Variants in ATXN7L1 observed in about 807,000 individuals in gnomAD.
ATXN7L1 encodes ataxin 7 like 1.
A neutral mutation model predicts 70.8 loss-of-function variants in ATXN7L1; 15 were observed. That is an observed-to-expected ratio of 0.21 (90% confidence interval 0.14 to 0.33). The LOEUF (loss-of-function observed/expected upper bound fraction) is 0.33. Ranked by LOEUF, ATXN7L1 falls within the 10% of genes least tolerant of loss-of-function variation. The pLI, the probability that ATXN7L1 is intolerant of heterozygous loss-of-function variation, is 1.00. For synonymous variants in ATXN7L1, 440 were observed against 445.1 expected, an observed-to-expected ratio of 0.99 and a Z score of 0.14; for missense variants, 975 against 1,097.1, an observed-to-expected ratio of 0.89 and a Z score of 1.57.
At chr7:105,770,898 TC>T (rs1452740727) in intron 3 of ATXN7L1, among the ~76,000 whole-genome samples, 1 of 151,954 alleles carries the variant, frequency 6.6e-6, no homozygotes, top group Non-Finnish European at 1.5e-5. Context: ...TCACCAAGGA[TC>T]ATGTTAAAAA....
rs980889290 is a variant in ATXN7L1 at position 105,605,988 on chromosome 7, T to C, written c.*1864A>G. 1 of 152,108 alleles carries C rather than the reference T, an allele frequency of 6.6e-6. No homozygotes were observed. The highest frequency in any genetic ancestry group is 1.5e-5 in the Non-Finnish European group (1 of 68,024). 9.4% of individuals were successfully genotyped at this position (152,108 alleles called of 1,614,324 possible). A position where few individuals can be genotyped will look rare whatever the true frequency, so the allele number is the denominator to read the frequency against. On this transcript the variant is annotated 3_prime_UTR_variant, in exon 12 of 12. Coordinates refer to ENST00000419735, the MANE Select transcript of ATXN7L1 (RefSeq NM_020725.2). ...TTAAGAATATCTTCTAAACTTTTTTTCAAAGGGTCTAACCTTGTTTATAAT... is the reference window on the plus strand; with the variant it reads ...TTAAGAATATCTTCTAAACTTTTTTCCAAAGGGTCTAACCTTGTTTATAAT...
intron 3 of ATXN7L1, among the ~76,000 whole-genome samples, chr7:105,670,205 T>C (rs1196799777): frequency 2.0e-5 from 3 of 152,218 alleles, no homozygotes; most frequent in Admixed American, 6.5e-5. Flanking sequence ...GACGCTGCTG[T>C]GCAGGTGAGG....
chr7:105,729,862 C>G (rs1007724534), intron 3 of ATXN7L1, among the ~76,000 whole-genome samples: 4 of 151,980 alleles, frequency 2.6e-5, no homozygotes, highest in African/African-American at 9.7e-5. Flanking sequence ...CTCAGCCTCC[C>G]GAGTAGCTGG....
At chr7:105,718,957 A>G (rs1380610702) in intron 3 of ATXN7L1, among the ~76,000 whole-genome samples, 2 of 152,164 alleles carry the variant, frequency 1.3e-5, no homozygotes, top group Non-Finnish European at 2.9e-5. Context: ...CATCACAAAC[A>G]GGTGATGAAC....
chr7:105,610,194 T>G (rs529716923), intron 11 of ATXN7L1, among the ~76,000 whole-genome samples: 2 of 152,228 alleles, frequency 1.3e-5, no homozygotes, highest in African/African-American at 4.8e-5. Context: ...CGTACGCTCA[T>G]ACAGCTGGTA....
chr7:105,835,360 G>T (rs913625167), intron 2 of ATXN7L1, among the ~76,000 whole-genome samples: 4 of 151,508 alleles, frequency 2.6e-5, no homozygotes, highest in African/African-American at 9.7e-5. Flanking sequence ...TAGCCATGTT[G>T]CCCAGGCTGG....
At chr7:105,751,531 G>A (rs975408168) in intron 3 of ATXN7L1, among the ~76,000 whole-genome samples, 1 of 152,138 alleles carries the variant, frequency 6.6e-6, no homozygotes, top group Non-Finnish European at 1.5e-5. Flanking sequence ...AGCTCCTTGG[G>A]AGACTGAGGT....
chr7:105,693,533 C>T (rs1054776814), intron 3 of ATXN7L1, among the ~76,000 whole-genome samples: 4 of 126,530 alleles, frequency 3.2e-5, no homozygotes, highest in African/African-American at 1.2e-4. Flanking sequence ...AAATCTAATG[C>T]CCCATCCATC....
intron 7 of ATXN7L1, among the ~76,000 whole-genome samples, chr7:105,630,713 T>C (rs1472432896): frequency 1.9e-5 from 2 of 106,310 alleles, no homozygotes; most frequent in African/African-American, 3.5e-5. Context: ...TGAGACCCTG[T>C]CTCAAAAAAT....
intron 4 of ATXN7L1, among the ~76,000 whole-genome samples, chr7:105,660,678 G>T (rs1232061418): frequency 6.6e-6 from 1 of 150,450 alleles, no homozygotes; most frequent in Non-Finnish European, 1.5e-5. Context: ...CGCCTCCAGG[G>T]TTCAAGCGAT....
At chr7:105,819,360 A>C in intron 2 of ATXN7L1, 1 of 454,634 alleles carries the variant, frequency 2.2e-6, no homozygotes, top group Non-Finnish European at 4.0e-6. Context: ...TGGCTATTAA[A>C]AAAAAATCTG....
chr7:105,827,672 C>T (rs1811067715), intron 2 of ATXN7L1, among the ~76,000 whole-genome samples: 1 of 152,132 alleles, frequency 6.6e-6, no homozygotes, highest in Non-Finnish European at 1.5e-5. Context: ...GTCCTGGAAG[C>T]AATTCTCCGT....
At chr7:105,770,187 T>C (rs1013410630) in intron 3 of ATXN7L1, among the ~76,000 whole-genome samples, 1 of 152,222 alleles carries the variant, frequency 6.6e-6, no homozygotes, top group Non-Finnish European at 1.5e-5. Flanking sequence ...CCTGAGACAA[T>C]TCAATATTCA....
At chr7:105,627,550 T>TTA in intron 7 of ATXN7L1, among the ~76,000 whole-genome samples, 1 of 144,040 alleles carries the variant, frequency 6.9e-6, no homozygotes, top group South Asian at 2.2e-4. Context: ...TTTTTTTTTT[T>TTA]AGAAAGAGTC....
intron 2 of ATXN7L1, among the ~76,000 whole-genome samples, chr7:105,814,944 C>T (rs1254325137): frequency 6.6e-6 from 1 of 152,138 alleles, no homozygotes; most frequent in African/African-American, 2.4e-5. Flanking sequence ...AGGACTGTTA[C>T]AAAAGATCAT....
chr7:105,608,477 A>G (rs974964455), intron 11 of ATXN7L1, among the ~76,000 whole-genome samples: 1 of 152,108 alleles, frequency 6.6e-6, no homozygotes, highest in Non-Finnish European at 1.5e-5. Context: ...AGTGGTGGCC[A>G]TTTGTGTTTG....
chr7:105,848,091 G>A (rs2116624149), intron 2 of ATXN7L1, among the ~76,000 whole-genome samples: 1 of 152,240 alleles, frequency 6.6e-6, no homozygotes, highest in South Asian at 2.1e-4. Flanking sequence ...GGAAAATTAA[G>A]CAAAAACCAT....
chr7:105,798,545 G>A (rs1806330300), intron 2 of ATXN7L1, among the ~76,000 whole-genome samples: 1 of 152,186 alleles, frequency 6.6e-6, no homozygotes, highest in Non-Finnish European at 1.5e-5. Context: ...TGATGACCTT[G>A]GTAGCCAAGA....
intron 3 of ATXN7L1, among the ~76,000 whole-genome samples, chr7:105,727,746 G>GTGTGTA (rs1333693053): frequency 1.8e-5 from 1 of 55,356 alleles, no homozygotes; most frequent in Non-Finnish European, 2.9e-5. Context: ...GTGTATGTGT[G>GTGTGTA]TATATATATA....
Sources: allele counts gnomAD v4.1 joint callset (sites outside exome capture counted in the v4.1 genomes callset), GRCh38; gene constraint gnomAD v4.1.1; transcripts MANE v1.5; gene names NCBI Gene and HGNC (gene_info 2026-07-23, HGNC 2026-07-21).